MTHFD2L: variants seen among roughly 807,000 people sequenced by gnomAD.
The protein encoded by MTHFD2L is methylenetetrahydrofolate dehydrogenase (NADP+ dependent) 2 like, also known as bifunctional methylenetetrahydrofolate dehydrogenase/cyclohydrolase 2, mitochondrial.
In MTHFD2L, 29 loss-of-function variants were observed where a neutral mutation model predicts 34.9. The ratio of observed to expected loss-of-function variants is 0.83; its 90% CI spans 0.62 to 1.13. The LOEUF (loss-of-function observed/expected upper bound fraction) is 1.13. Among genes scored for constraint, MTHFD2L ranks in the 50% most tolerant of loss-of-function variants. The pLI is 0.00. For missense variants in MTHFD2L, 481 were observed against 446.5 expected, an observed-to-expected ratio of 1.08 and a Z score of -0.70; for synonymous variants, 167 against 155.7, an observed-to-expected ratio of 1.07 and a Z score of -0.54.
Position 74,116,885 on chromosome 4 carries a change from TA to T in MTHFD2L, c.-144+2231del, listed in dbSNP as rs371463547. 3.7e-3 allele frequency among the ~76,000 whole-genome samples: 566 copies of T among 152,354 alleles called. 3 individuals carry two copies. The highest frequency in any genetic ancestry group is 0.013 in the African/African-American group (536 of 41,582). On this transcript the variant is annotated intron_variant and NMD_transcript_variant, in intron 2 of 9. Transcript: ENST00000429519. Reference sequence around the variant, plus strand: ...CGTTCTATCTTTCTGGTTCTCCACTTAAATGACACTCATGTCTGCTACATTA... The same window carrying T: ...CGTTCTATCTTTCTGGTTCTCCACTTAATGACACTCATGTCTGCTACATTA...
chr4:74,284,182 A>G (rs1747850500), intron 7 of MTHFD2L, among the ~76,000 whole-genome samples: 1 of 152,194 alleles, frequency 6.6e-6, no homozygotes. Context: ...ATTTATCCAC[A>G]TAAATAAACA....
At chr4:74,173,585 A>G (rs756983441) in intron 1 of MTHFD2L, among the ~76,000 whole-genome samples, 2 of 152,116 alleles carry the variant, frequency 1.3e-5, no homozygotes, top group Non-Finnish European at 2.9e-5. Flanking sequence ...GAAGCTCATG[A>G]CTTCAGAGTC....
upstream of MTHFD2L, chr4:74,157,930 C>A: frequency 1.2e-6 from 1 of 806,418 alleles, no homozygotes; most frequent in Non-Finnish European, 2.1e-6. Context: ...GGGTCCTGGC[C>A]CCGCCCCCTG....
chr4:74,125,805 T>A lies in MTHFD2L; in HGVS notation c.-297+288T>A, dbSNP rs576896740. The stretch of plus-strand genomic sequence containing the variant: ...AATTTGTTTATTCTCTTTTAATTTA[T>A]GGTTTTAAAAATTTTACTTGTATTT... On this transcript the variant is annotated intron_variant, in intron 1 of 7. Transcript: ENST00000433372. Among the ~76,000 whole-genome samples the A allele has an allele frequency of 1.2e-4, 19 of 152,280 alleles. No homozygotes were observed. The South Asian group carries it at 3.5e-3, about 28-fold the overall frequency.
chr4:74,201,478 A>C, intron 5 of MTHFD2L, 108 bp downstream of exon 5: 1 of 679,160 alleles, frequency 1.5e-6, no homozygotes, highest in South Asian at 2.9e-5. Context: ...GGGTTTATGC[A>C]GTTCAAAGTC....
intron 1 of MTHFD2L, among the ~76,000 whole-genome samples, chr4:74,167,777 A>C (rs573765996): frequency 1.3e-5 from 2 of 152,254 alleles, no homozygotes; most frequent in Non-Finnish European, 2.9e-5. Context: ...CACTAAGCAC[A>C]GTGTTCTTTA....
chr4:74,133,714 T>C (rs1403155412), intron 1 of MTHFD2L, among the ~76,000 whole-genome samples: 1 of 152,222 alleles, frequency 6.6e-6, no homozygotes, highest in African/African-American at 2.4e-5. Context: ...AGTATCTGAA[T>C]TGTTTTTCTA....
chr4:74,250,427 T>C (rs138799712), intron 6 of MTHFD2L, among the ~76,000 whole-genome samples: 86 of 152,262 alleles, frequency 5.6e-4, no homozygotes, highest in African/African-American at 2.0e-3. Context: ...TTTGTATGGT[T>C]ACTGGCCATC....
chr4:74,157,924 C>T (rs993151527), upstream of MTHFD2L: 31 of 767,638 alleles, frequency 4.0e-5, no homozygotes, highest in Non-Finnish European at 6.7e-5. Context: ...GGACTTGGGT[C>T]CTGGCCCCGC....
At chr4:74,293,162 A>G (rs1218336626) in intron 7 of MTHFD2L, among the ~76,000 whole-genome samples, 1 of 152,072 alleles carries the variant, frequency 6.6e-6, no homozygotes, top group Non-Finnish European at 1.5e-5. Context: ...CATTGTCTAC[A>G]TTAAGTATTT....
intron 3 of MTHFD2L, chr4:74,194,623 A>T (rs1475879979): frequency 6.6e-6 from 1 of 152,208 alleles, no homozygotes; most frequent in African/African-American, 2.4e-5. Flanking sequence ...TTTAGCCTAA[A>T]GCTGCCTCCT....
At chr4:74,250,759 C>A (rs1743190219) in intron 6 of MTHFD2L, among the ~76,000 whole-genome samples, 1 of 152,108 alleles carries the variant, frequency 6.6e-6, no homozygotes, top group Admixed American at 6.5e-5. Flanking sequence ...CTTGCTTCAA[C>A]CCCTTCATAA....
At chr4:74,233,398 T>C (rs181824699) in intron 6 of MTHFD2L, among the ~76,000 whole-genome samples, 50 of 152,280 alleles carry the variant, frequency 3.3e-4, no homozygotes, top group Admixed American at 3.1e-3. Flanking sequence ...TCTAACTCTC[T>C]GGGCTTTATT....
At chr4:74,186,828 A>G (rs990500167) in intron 3 of MTHFD2L, among the ~76,000 whole-genome samples, 1 of 152,160 alleles carries the variant, frequency 6.6e-6, no homozygotes, top group Non-Finnish European at 1.5e-5. Context: ...TTCATATGGA[A>G]CTGCAAATGA....
In MTHFD2L at chr4:74,196,727, C is replaced by T. The variant is rs560152853; in HGVS notation, c.452-3067C>T. Among the ~76,000 whole-genome samples the T allele has an allele frequency of 3.3e-5, 5 of 152,028 alleles. No homozygotes were observed. The East Asian group carries it at 9.7e-4, about 29-fold the overall frequency. ...ACTTTGGGAGGCCGAGGTGGTGGATCACGAGGTCAGGAGTTTGAGACCAGC... is the reference window on the plus strand; with the variant it reads ...ACTTTGGGAGGCCGAGGTGGTGGATTACGAGGTCAGGAGTTTGAGACCAGC... On this transcript the variant is annotated intron_variant, in intron 3 of 7. Coordinates refer to ENST00000325278, the MANE Select transcript of MTHFD2L (RefSeq NM_001144978.3).
chr4:74,133,296 T>G (rs2109811107), intron 1 of MTHFD2L, among the ~76,000 whole-genome samples: 1 of 152,294 alleles, frequency 6.6e-6, no homozygotes, highest in Middle Eastern at 3.4e-3. Context: ...TTAGTGTTAC[T>G]TGGGTTGAAT....
chr4:74,206,853 C>G (rs1013228978), intron 5 of MTHFD2L, among the ~76,000 whole-genome samples: 23 of 152,126 alleles, frequency 1.5e-4, no homozygotes, highest in Admixed American at 6.6e-5. Context: ...TACTAACTGT[C>G]ATAAGAGGAT....
intron 1 of MTHFD2L, among the ~76,000 whole-genome samples, chr4:74,144,984 T>A (rs1003324115): frequency 1.8e-4 from 28 of 152,306 alleles, no homozygotes; most frequent in African/African-American, 6.7e-4. Flanking sequence ...CACCTCACAC[T>A]GTGCATTGGA....
At chr4:74,254,639 G>T (rs1445425093) in intron 6 of MTHFD2L, among the ~76,000 whole-genome samples, 1 of 145,732 alleles carries the variant, frequency 6.9e-6, no homozygotes, top group Non-Finnish European at 1.5e-5. Context: ...TGCCTTAAAA[G>T]AAATGCTAAA....
Sources: gnomAD v4.1 joint callset for allele counts (sites outside exome capture counted in the v4.1 genomes callset) on GRCh38, gnomAD v4.1.1 for gene constraint, MANE v1.5 for transcripts, NCBI Gene and HGNC (gene_info 2026-07-23, HGNC 2026-07-21) for gene names.